The following CACNG2 variants were observed in gnomAD, a reference collection of about 807,000 sequenced individuals.
CACNG2 encodes the protein voltage-dependent calcium channel gamma-2 subunit.
In CACNG2, 3 loss-of-function variants were observed where a neutral mutation model predicts 25.9. The observed-to-expected ratio is 0.12, with a 90% confidence interval of 0.05 to 0.30. The LOEUF (loss-of-function observed/expected upper bound fraction) is 0.30, where lower values mean the gene tolerates loss of function less well. Among genes scored for constraint, CACNG2 ranks in the 10% least tolerant of loss-of-function variants. The pLI, the probability that CACNG2 is intolerant of heterozygous loss-of-function variation, is 1.00. For synonymous variants in CACNG2, 167 were observed against 173.3 expected (o/e 0.96, Z 0.29); for missense variants, 341 against 432.5 (o/e 0.79, Z 1.88).
intron 1 of CACNG2, among the ~76,000 whole-genome samples, chr22:36,601,387 CCA>C (rs1452972353): frequency 6.6e-6 from 1 of 152,200 alleles, no homozygotes; most frequent in Non-Finnish European, 1.5e-5. Flanking sequence ...TATGTAAACA[CCA>C]CAGTTTCTTT....
intron 1 of CACNG2, among the ~76,000 whole-genome samples, chr22:36,689,507 A>G (rs903924608): frequency 6.6e-6 from 1 of 152,192 alleles, no homozygotes; most frequent in African/African-American, 2.4e-5. Flanking sequence ...CTTACATTAA[A>G]CATTCAAAAA....
At chr22:36,674,572 A>G (rs1226320974) in intron 1 of CACNG2, among the ~76,000 whole-genome samples, 2 of 152,058 alleles carry the variant, frequency 1.3e-5, no homozygotes, top group Non-Finnish European at 2.9e-5. Context: ...TAAGCGATCC[A>G]CCTGCCTTAG....
intron 1 of CACNG2, among the ~76,000 whole-genome samples, chr22:36,605,931 C>T (rs995352013): frequency 2.0e-5 from 3 of 152,120 alleles, no homozygotes; most frequent in Admixed American, 6.5e-5. Context: ...CTGGAGTAGG[C>T]GGATAATGAA....
intron 1 of CACNG2, among the ~76,000 whole-genome samples, chr22:36,651,097 A>G (rs1310447181): frequency 6.6e-6 from 1 of 152,096 alleles, no homozygotes. Context: ...TCTACGTAGC[A>G]TGTGAGGCTG....
intron 3 of CACNG2, 98 bp downstream of exon 3, chr22:36,566,255 T>C: frequency 8.0e-7 from 1 of 1,244,064 alleles, no homozygotes; most frequent in Admixed American, 1.7e-5. Context: ...AGATTTCCTC[T>C]CCTCTCTCCC....
chr22:36,646,452 C>T (rs1936525782), intron 1 of CACNG2, among the ~76,000 whole-genome samples: 1 of 152,188 alleles, frequency 6.6e-6, no homozygotes, highest in Non-Finnish European at 1.5e-5. Context: ...TCAGCAGCTC[C>T]TCAGCCAAGT....
At chr22:36,645,584 A>G (rs1018683586) in intron 1 of CACNG2, among the ~76,000 whole-genome samples, 6 of 148,896 alleles carry the variant, frequency 4.0e-5, no homozygotes, top group African/African-American at 1.5e-4. Context: ...TAGTTTCTGT[A>G]TTATTATTAC....
intron 1 of CACNG2, among the ~76,000 whole-genome samples, chr22:36,686,842 C>T (rs893386365): frequency 6.6e-5 from 10 of 152,162 alleles, no homozygotes; most frequent in African/African-American, 9.7e-5. Flanking sequence ...CCTGTGGAGT[C>T]GCCGCTAGTC....
chr22:36,646,440 T>C (rs1936525620), intron 1 of CACNG2, among the ~76,000 whole-genome samples: 1 of 152,214 alleles, frequency 6.6e-6, no homozygotes, highest in South Asian at 2.1e-4. Flanking sequence ...TCGTTGCTCC[T>C]ATCAGCAGCT....
intron 2 of CACNG2, among the ~76,000 whole-genome samples, chr22:36,582,976 T>C (rs139990491): frequency 4.6e-5 from 7 of 152,164 alleles, no homozygotes; most frequent in African/African-American, 1.7e-4. Context: ...ATCTGTTTCA[T>C]GGACCTTGTG....
At chr22:36,700,107 C>T (rs1245772723) in intron 1 of CACNG2, among the ~76,000 whole-genome samples, 2 of 152,230 alleles carry the variant, frequency 1.3e-5, no homozygotes, top group African/African-American at 4.8e-5. Context: ...TGAGGCCCCG[C>T]TGGGGAGAAT....
intron 1 of CACNG2, among the ~76,000 whole-genome samples, chr22:36,687,952 A>C (rs1937222689): frequency 6.6e-6 from 1 of 152,236 alleles, no homozygotes; most frequent in African/African-American, 2.4e-5. Flanking sequence ...AGTGAGACCC[A>C]GGTTAGACTT....
chr22:36,609,769 G>A (rs920762405), intron 1 of CACNG2, among the ~76,000 whole-genome samples: 9 of 149,974 alleles, frequency 6.0e-5, no homozygotes, highest in Non-Finnish European at 1.0e-4. Flanking sequence ...GATCAGGCAG[G>A]AATCAACCCC....
At chr22:36,613,873 T>C (rs1433868275) in intron 1 of CACNG2, among the ~76,000 whole-genome samples, 1 of 152,116 alleles carries the variant, frequency 6.6e-6, no homozygotes, top group Non-Finnish European at 1.5e-5. Context: ...GCTGCAAACC[T>C]TGGAGTCATC....
At chr22:36,686,703 G>A (rs1333918348) in intron 1 of CACNG2, among the ~76,000 whole-genome samples, 2 of 152,228 alleles carry the variant, frequency 1.3e-5, no homozygotes, top group African/African-American at 4.8e-5. Flanking sequence ...ACTACTTGCT[G>A]CCTGGGACCC....
At chr22:36,679,873 T>C (rs566293783) in intron 1 of CACNG2, among the ~76,000 whole-genome samples, 1 of 152,216 alleles carries the variant, frequency 6.6e-6, no homozygotes, top group South Asian at 2.1e-4. Flanking sequence ...TGAAGAGTTG[T>C]TCCAAATGGT....
intron 1 of CACNG2, among the ~76,000 whole-genome samples, chr22:36,617,859 G>C (rs1456898847): frequency 6.6e-6 from 1 of 151,156 alleles, no homozygotes. Flanking sequence ...AAATTGTGTT[G>C]AACACCTGCC....
intron 1 of CACNG2, among the ~76,000 whole-genome samples, chr22:36,595,993 T>A (rs901959088): frequency 6.6e-6 from 1 of 152,224 alleles, no homozygotes; most frequent in Admixed American, 6.5e-5. Context: ...CACATTAATA[T>A]CTCACACCAA....
chr22:36,651,113 T>C (rs189424255), intron 1 of CACNG2, among the ~76,000 whole-genome samples: 1 of 152,286 alleles, frequency 6.6e-6, no homozygotes, highest in Admixed American at 6.5e-5. Flanking sequence ...GGCTGAATTC[T>C]AGGCATGCAA....
Sources: allele counts gnomAD v4.1 joint callset (sites outside exome capture counted in the v4.1 genomes callset), GRCh38; gene constraint gnomAD v4.1.1; transcripts MANE v1.5; gene names NCBI Gene and HGNC (gene_info 2026-07-23, HGNC 2026-07-21).